The following NTRK1 variants were observed in gnomAD, a reference collection of about 807,000 sequenced individuals.
NTRK1 encodes high affinity nerve growth factor receptor.
A neutral mutation model predicts 86.8 loss-of-function variants in NTRK1; 62 were observed. That is an observed-to-expected ratio of 0.71 (90% CI 0.58 to 0.88). The LOEUF (loss-of-function observed/expected upper bound fraction) is 0.88. NTRK1 is among the 40% of genes least tolerant of loss of function. The pLI is 0.00. For synonymous variants in NTRK1, 469 were observed against 456.6 expected, an observed-to-expected ratio of 1.03 and a Z score of -0.35; for missense variants, 967 against 1,078.4, an observed-to-expected ratio of 0.90 and a Z score of 1.45.
At chr1:156,835,763 A>G (rs905367964) in intron 1 of NTRK1, among the ~76,000 whole-genome samples, 5 of 152,246 alleles carry the variant, frequency 3.3e-5, no homozygotes, top group Non-Finnish European at 5.9e-5. Context: ...AGTGCTTTAT[A>G]GCTTACAAAG....
intron 1 of NTRK1, among the ~76,000 whole-genome samples, chr1:156,821,391 T>G (rs1210512834): frequency 6.6e-6 from 1 of 152,076 alleles, no homozygotes; most frequent in Non-Finnish European, 1.5e-5. Context: ...CTAAAGCTTG[T>G]AGTGAGTTAG....
rs746301621 is a variant in NTRK1, at chr1:156,848,965, C to T, written c.50+6772C>T. Reference sequence around the variant, plus strand: ...TGAAGCTGAGCAGGTCGCGGGCCTCCAGTGGCTCATAGCGCTCCCAGCGTA... The same window carrying T: ...TGAAGCTGAGCAGGTCGCGGGCCTCTAGTGGCTCATAGCGCTCCCAGCGTA... On this transcript the variant is annotated intron_variant, in intron 2 of 16. Transcript: ENST00000392302. The T allele has an allele frequency of 1.9e-6, 3 of 1,605,102 alleles. No homozygotes were observed. The East Asian group carries it at 6.7e-5, about 36-fold the overall frequency.
At chr1:156,843,027 T>C in intron 2 of NTRK1, 2 of 1,613,958 alleles carry the variant, frequency 1.2e-6, no homozygotes, top group Non-Finnish European at 1.7e-6. Flanking sequence ...TTGAAGGCTT[T>C]CATGACAGAA....
intron 2 of NTRK1, among the ~76,000 whole-genome samples, chr1:156,849,721 C>T (rs61391018): frequency 0.017 from 2,594 of 152,214 alleles, 80 homozygotes; most frequent in African/African-American, 0.06. Flanking sequence ...CTGCCCCCAT[C>T]CTTCCCTCGA....
chr1:156,835,345 TACAC>T (rs1477963006), intron 1 of NTRK1, among the ~76,000 whole-genome samples: 1 of 152,154 alleles, frequency 6.6e-6, no homozygotes, highest in Non-Finnish European at 1.5e-5. Flanking sequence ...GAGCCCGCGA[TACAC>T]ACCCAGGTAG....
chr1:156,879,062 C>T (rs2102923731), intron 14 of NTRK1, 60 bp from the exon 15 acceptor site: 1 of 1,602,494 alleles, frequency 6.2e-7, no homozygotes, highest in Non-Finnish European at 8.5e-7. Flanking sequence ...GGATCGCCTT[C>T]CTCAGGCTCC....
chr1:156,842,897 C>T, intron 2 of NTRK1: 1 of 865,312 alleles, frequency 1.2e-6, no homozygotes. Context: ...ACCATGGTCC[C>T]AATCTTGACC....
chr1:156,854,398 G>A lies in NTRK1; in HGVS notation c.51-9956G>A, dbSNP rs1364793877. ...TTGGAGGGGAGCCACACTGGCAGTA[G>A]GACAATGAGTGAGGAGCCGGGCTCT... On this transcript the variant is annotated intron_variant, in intron 2 of 16. Transcript: ENST00000392302. This position sits in a 1 kb window ranked among gnomAD's most constrained non-coding sequence, Gnocchi z 4.2. 3.1e-5 allele frequency: 39 copies of A among 1,274,130 alleles called. No individual in the cohort carries two copies. The highest frequency in any genetic ancestry group is 4.1e-5 in the Non-Finnish European group (38 of 933,198). The allele number at this position is 1,274,130 out of a possible 1,614,324, so 78.9% of individuals were successfully genotyped here.
chr1:156,830,111 C>T (rs558260340), intron 1 of NTRK1, among the ~76,000 whole-genome samples: 1 of 152,384 alleles, frequency 6.6e-6, no homozygotes, highest in East Asian at 1.9e-4. Context: ...TGTGGCTCCG[C>T]TCTGCAAGGC....
At chr1:156,846,063 C>T in intron 2 of NTRK1, 1 of 1,612,630 alleles carries the variant, frequency 6.2e-7, no homozygotes, top group Non-Finnish European at 8.5e-7. Context: ...TTCCAGCGCA[C>T]CAGGAGGTGG....
chr1:156,881,158 G>T (rs1463129250), intron 16 of NTRK1, among the ~76,000 whole-genome samples: 1 of 152,112 alleles, frequency 6.6e-6, no homozygotes, highest in Non-Finnish European at 1.5e-5. Flanking sequence ...AAATACCTCA[G>T]CCCCTCGCCT....
upstream of NTRK1, chr1:156,858,651 G>A (rs749832322): frequency 1.3e-5 from 21 of 1,591,488 alleles, no homozygotes; most frequent in Non-Finnish European, 1.8e-5. Context: ...GTCCAGTCCC[G>A]GCTCTCCTCC....
intron 2 of NTRK1, chr1:156,844,772 G>T: frequency 6.2e-7 from 1 of 1,614,156 alleles, no homozygotes; most frequent in Non-Finnish European, 8.5e-7. Flanking sequence ...GGTGGCTCGA[G>T]CCAGCGCAGA....
At chr1:156,874,270 C>T (rs1386769519) in intron 8 of NTRK1, 113 bp from the exon 9 acceptor site, 21 of 1,502,458 alleles carry the variant, frequency 1.4e-5, no homozygotes, top group East Asian at 6.8e-5. Flanking sequence ...CATCCCCCCT[C>T]GTCCCATGAA....
intron 2 of NTRK1, chr1:156,844,354 A>G (rs1654908988): frequency 2.6e-6 from 4 of 1,543,766 alleles, no homozygotes; most frequent in East Asian, 4.5e-5. Flanking sequence ...TTCTCTTTCC[A>G]TGCTGGGAGG....
chr1:156,861,553 G>A (rs1655654318), intron 1 of NTRK1, among the ~76,000 whole-genome samples: 2 of 152,128 alleles, frequency 1.3e-5, no homozygotes, highest in Admixed American at 1.3e-4. Context: ...CTTTTCTAGG[G>A]GCAAGCCAGC....
At chr1:156,844,883 T>C in intron 2 of NTRK1, 2 of 1,611,510 alleles carry the variant, frequency 1.2e-6, no homozygotes, top group South Asian at 2.2e-5. Flanking sequence ...CAAAAGTGGT[T>C]CATCTCACCT....
At chr1:156,825,594 A>G (rs975703217) in intron 1 of NTRK1, among the ~76,000 whole-genome samples, 1 of 152,192 alleles carries the variant, frequency 6.6e-6, no homozygotes, top group Non-Finnish European at 1.5e-5. Flanking sequence ...TGGCCCCATC[A>G]TTACCTTGTA....
intron 1 of NTRK1, among the ~76,000 whole-genome samples, chr1:156,817,496 G>A (rs946747760): frequency 1.3e-5 from 2 of 151,906 alleles, no homozygotes; most frequent in Non-Finnish European, 2.9e-5. Context: ...AGGGGGCCTG[G>A]CTTCCATCAT....
Sources: allele counts gnomAD v4.1 joint callset (sites outside exome capture counted in the v4.1 genomes callset), GRCh38; gene constraint gnomAD v4.1.1; non-coding constraint Gnocchi (gnomAD v3.1); transcripts MANE v1.5; gene names NCBI Gene and HGNC (gene_info 2026-07-23, HGNC 2026-07-21).